GCC2: variants seen among roughly 807,000 people sequenced by gnomAD.
The protein encoded by GCC2 is GRIP and coiled-coil domain-containing protein 2.
GCC2 carries 120 observed loss-of-function variants against 210.6 expected under a neutral mutation model. The observed-to-expected ratio is 0.57, with a 90% CI of 0.49 to 0.66. GCC2 has a LOEUF of 0.66. GCC2 is among the 30% of genes least tolerant of loss of function. GCC2 has a pLI of 0.00. For synonymous variants in GCC2, 703 were observed against 652.7 expected (o/e 1.08, Z -1.17); for missense variants, 1,868 against 1,871.9 (o/e 1.00, Z 0.04).
At chr2:108,465,965 C>T (rs976740648) in intron 4 of GCC2, among the ~76,000 whole-genome samples, 5 of 152,178 alleles carry the variant, frequency 3.3e-5, no homozygotes, top group African/African-American at 1.2e-4. Flanking sequence ...AGCTGTTCTC[C>T]CTCAGTCTCC....
At chr2:108,507,407 C>CA in intron 22 of GCC2, 153 bp from the exon 23 acceptor site, 40 of 298,842 alleles carry the variant, frequency 1.3e-4, no homozygotes, top group South Asian at 4.1e-4. Context: ...AAAAAAGAAC[C>CA]CCCCCCCCCA....
In GCC2 at chr2:108,467,164, C is replaced by T. The variant is rs188792587; in HGVS notation, c.217-1816C>T. On this transcript the variant is annotated intron_variant, in intron 4 of 22. Transcript: ENST00000309863. ...TCATATTCCATGAAAAACTTCATTG[C>T]GATTAATTGGAATTGCGTGGAATCT... Among the ~76,000 whole-genome samples the T allele has an allele frequency of 5.9e-5, 9 of 152,146 alleles. 1 individual carries two copies. In the South Asian group the frequency reaches 6.2e-4, roughly 11 times the overall value.
chr2:108,453,620 A>C (rs543097199), intron 4 of GCC2, among the ~76,000 whole-genome samples: 1 of 152,224 alleles, frequency 6.6e-6, no homozygotes, highest in East Asian at 1.9e-4. Context: ...CCCTGTCTGT[A>C]CTAAAAATAC....
intron 2 of GCC2, among the ~76,000 whole-genome samples, chr2:108,450,721 A>G (rs766559315): frequency 1.2e-4 from 18 of 152,222 alleles, no homozygotes; most frequent in Non-Finnish European, 1.6e-4. Flanking sequence ...GTCTCTACTA[A>G]AAATACAAAA....
intron 19 of GCC2, chr2:108,493,759 A>C: frequency 1.0e-6 from 1 of 985,418 alleles, no homozygotes; most frequent in Non-Finnish European, 1.2e-6. Flanking sequence ...AAGCAACTTC[A>C]GAAGAATTTA....
chr2:108,503,290 A>G (rs1369080645), intron 22 of GCC2, among the ~76,000 whole-genome samples: 1 of 152,182 alleles, frequency 6.6e-6, no homozygotes, highest in South Asian at 2.1e-4. Flanking sequence ...AGACTTCTCA[A>G]CAGCATTGGT....
intron 21 of GCC2, among the ~76,000 whole-genome samples, chr2:108,497,652 A>T (rs1466969488): frequency 6.6e-6 from 1 of 152,186 alleles, no homozygotes; most frequent in Non-Finnish European, 1.5e-5. Context: ...GAGATGGCAA[A>T]GTGGCATGGG....
At position 108,470,451 on chromosome 2, in the gene GCC2, T is replaced by A; in HGVS notation, c.1122T>A (p.Asp374Glu). 1 of 1,607,776 alleles carries A rather than the reference T, an allele frequency of 6.2e-7. No homozygotes were observed. Among genetic ancestry groups the A allele is most frequent in the Middle Eastern group, 1.7e-4 (1 of 6,044 alleles). ...AAATGGATGCTCAACATATAAAGGA[T>A]GAGTTTTTTCATGAACGGGAAGACT... ...KLEMDAQHIK[D>E]EFFHEREDLE... The change falls in exon 6 of 23, where the codon GAT becomes GAA. Residue 374 changes from aspartate to glutamate, a missense_variant. Transcript: ENST00000309863.
Position 108,449,634 on chromosome 2 carries a change from A to T in GCC2, c.8A>T (p.Asp3Val), listed in dbSNP as rs750423096. The T allele has an allele frequency of 1.2e-6, 2 of 1,613,736 alleles. No homozygotes were observed. The highest frequency in any genetic ancestry group is 2.2e-5 in the South Asian group (2 of 91,064). The change falls in exon 2 of 23, where the codon GAT becomes GTT. Residue 3 changes from aspartate (D) to valine (V), a missense_variant and splice_region_variant. This residue lies in a region of GCC2 where 1,847 missense variants were observed against 1,765.2 expected (regional missense o/e 1.05). Coordinates refer to ENST00000309863, the MANE Select transcript of GCC2 (RefSeq NM_181453.4). ...CCTGGGTTTGATTTTGTTTTGCAGG[A>T]TCTTGTTCAAGATGGGGTGGCTTCA... ME[D>V]LVQDGVASPA...
Position 108,507,681 on chromosome 2 carries a change from T to C in GCC2, c.*51T>C, listed in dbSNP as rs1399387727. 1 of 1,302,242 alleles carries C rather than the reference T, an allele frequency of 7.7e-7. No homozygotes were observed. The highest frequency in any genetic ancestry group is 1.1e-6 in the Non-Finnish European group (1 of 914,134). The allele number at this position is 1,302,242 out of a possible 1,614,324, so 80.7% of individuals were successfully genotyped here. On this transcript the variant is annotated 3_prime_UTR_variant, in exon 23 of 23. Coordinates refer to ENST00000309863, the MANE Select transcript of GCC2 (RefSeq NM_181453.4). ...ACCAAATAGAATCTATTTACAAAAA[T>C]GGTTCACGTATATTACCACAATTCT...
At chr2:108,463,437 C>T (rs894856003) in intron 4 of GCC2, among the ~76,000 whole-genome samples, 4 of 151,996 alleles carry the variant, frequency 2.6e-5, no homozygotes, top group Admixed American at 6.6e-5. Context: ...GGTGCAATAG[C>T]ATAGGATCGG....
At chr2:108,464,183 C>T (rs1022803328) in intron 4 of GCC2, among the ~76,000 whole-genome samples, 1 of 152,162 alleles carries the variant, frequency 6.6e-6, no homozygotes, top group Non-Finnish European at 1.5e-5. Context: ...AGTGAAGTTG[C>T]TTCCCCTGGG....
At chr2:108,503,195 G>C (rs1440469423) in intron 22 of GCC2, among the ~76,000 whole-genome samples, 1 of 151,634 alleles carries the variant, frequency 6.6e-6, no homozygotes, top group Admixed American at 6.6e-5. Flanking sequence ...TCTACTTCTA[G>C]TCACATAAGA....
At chr2:108,474,031 G>A (rs1434695788) in intron 7 of GCC2, among the ~76,000 whole-genome samples, 3 of 151,766 alleles carry the variant, frequency 2.0e-5, no homozygotes, top group Non-Finnish European at 4.4e-5. Context: ...TGTGGCGGGC[G>A]CTTGTAGTCA....
At chr2:108,490,382 T>C (rs1323388096) in intron 18 of GCC2, among the ~76,000 whole-genome samples, 1 of 152,192 alleles carries the variant, frequency 6.6e-6, no homozygotes. Context: ...TGAAAAAGAA[T>C]ATGCAAGTTA....
At chr2:108,506,291 A>T (rs1683182227) in intron 22 of GCC2, among the ~76,000 whole-genome samples, 1 of 152,266 alleles carries the variant, frequency 6.6e-6, no homozygotes, top group Non-Finnish European at 1.5e-5. Context: ...TCAGCAATAA[A>T]AAAGAATGCA....
At chr2:108,449,569 A>T in intron 1 of GCC2, 64 bp from the exon 2 acceptor site, 1 of 1,474,986 alleles carries the variant, frequency 6.8e-7, no homozygotes, top group Non-Finnish European at 9.5e-7. Context: ...TAAGGGTTCT[A>T]CGCGTTCCGT....
intron 9 of GCC2, among the ~76,000 whole-genome samples, chr2:108,477,036 C>G (rs191558986): frequency 1.1e-3 from 162 of 152,214 alleles, no homozygotes; most frequent in African/African-American, 3.9e-3. Flanking sequence ...TTTGAACTAT[C>G]AGTTCTCAGA....
rs905837074 is a variant in GCC2, at chr2:108,454,604, G to A, written c.216+2138G>A. ...TATATGTTAATTAAGGAAGAAGGTC[G>A]ATAACACCCAGACTGCCTGAGTCAG... On this transcript the variant is annotated intron_variant, in intron 4 of 22. Coordinates refer to ENST00000309863, the MANE Select transcript of GCC2 (RefSeq NM_181453.4). Among the ~76,000 whole-genome samples, 15 of 152,170 alleles carry A rather than the reference G, an allele frequency of 9.9e-5. No homozygotes were observed. In the South Asian group the frequency reaches 1.0e-3, roughly 10 times the overall value.
Sources: allele counts gnomAD v4.1 joint callset (sites outside exome capture counted in the v4.1 genomes callset), GRCh38; gene constraint gnomAD v4.1.1; regional missense constraint gnomAD v4.1.1; transcripts MANE v1.5; gene names NCBI Gene and HGNC (gene_info 2026-07-23, HGNC 2026-07-21).